The following DIS3L2 variants were observed in gnomAD, a reference collection of about 807,000 sequenced individuals.
DIS3L2 encodes DIS3 like 3'-5' exoribonuclease 2.
DIS3L2 carries 34 observed loss-of-function variants against 97.5 expected under a neutral mutation model. That is an observed-to-expected ratio of 0.35 (90% CI 0.27 to 0.46). The LOEUF is 0.46. Among genes scored for constraint, DIS3L2 ranks in the 20% least tolerant of loss-of-function variants. DIS3L2 has a pLI of 1.00. For synonymous variants in DIS3L2, 435 were observed against 445.2 expected, an observed-to-expected ratio of 0.98 and a Z score of 0.29; for missense variants, 1,038 against 1,146.0, an observed-to-expected ratio of 0.91 and a Z score of 1.36.
intron 9 of DIS3L2, among the ~76,000 whole-genome samples, chr2:232,188,350 G>A (rs1352336368): frequency 6.6e-6 from 1 of 152,162 alleles, no homozygotes; most frequent in East Asian, 1.9e-4. Context: ...TGAATTGTAT[G>A]CTATAAAATG....
At chr2:232,218,627 G>A (rs928390163) in intron 10 of DIS3L2, among the ~76,000 whole-genome samples, 4 of 152,148 alleles carry the variant, frequency 2.6e-5, no homozygotes, top group African/African-American at 7.2e-5. Flanking sequence ...TTTCTTCTCC[G>A]CCTCTTGCTT....
rs574653745 is a variant in DIS3L2, at chr2:232,085,990, T to A, written c.367-1497T>A. ...ACTATGCCTGGTTGATTTTTAAATT[T>A]TTTTTAGAGGCAAGGTCTCAATATG... is the stretch of plus-strand genomic sequence containing the variant. On this transcript the variant is annotated intron_variant, in intron 5 of 20. Coordinates refer to ENST00000325385, the MANE Select transcript of DIS3L2 (RefSeq NM_152383.5). 5.3e-5 allele frequency among the ~76,000 whole-genome samples: 8 copies of A among 152,108 alleles called. No individual in the cohort carries two copies. In the South Asian group the frequency reaches 1.7e-3, roughly 32 times the overall value.
intron 12 of DIS3L2, among the ~76,000 whole-genome samples, chr2:232,258,109 C>T (rs1693614837): frequency 6.6e-6 from 1 of 152,162 alleles, no homozygotes; most frequent in Admixed American, 6.5e-5. Flanking sequence ...AGTAGGTAGG[C>T]CTTGAATTAC....
At chr2:232,245,473 G>C (rs1167111614) in intron 11 of DIS3L2, among the ~76,000 whole-genome samples, 1 of 152,220 alleles carries the variant, frequency 6.6e-6, no homozygotes, top group African/African-American at 2.4e-5. Context: ...GAGAGGCTGT[G>C]ATGTGCCAAA....
At chr2:232,296,821 C>A (rs927470287) in intron 13 of DIS3L2, among the ~76,000 whole-genome samples, 1 of 152,118 alleles carries the variant, frequency 6.6e-6, no homozygotes, top group African/African-American at 2.4e-5. Flanking sequence ...AAATGTGAGT[C>A]CTCCATTTAG....
chr2:232,013,998 T>C (rs1237963705), intron 1 of DIS3L2, among the ~76,000 whole-genome samples: 1 of 152,260 alleles, frequency 6.6e-6, no homozygotes, highest in East Asian at 1.9e-4. Context: ...GAATGACATC[T>C]TGATTCATTT....
chr2:232,203,544 G>GT (rs1176652684), intron 9 of DIS3L2, among the ~76,000 whole-genome samples: 1 of 152,172 alleles, frequency 6.6e-6, no homozygotes, highest in Non-Finnish European at 1.5e-5. Flanking sequence ...CCCTTTGGTC[G>GT]TTTTTTCATT....
rs138392667 is a variant in DIS3L2, at chr2:232,082,320, C to T, written c.367-5167C>T. On this transcript the variant is annotated intron_variant, in intron 5 of 20. Transcript: ENST00000325385. ...TATTAAGTCCTATTACCTCAGGAGT[C>T]TCCAGCCCCTGGGCCATGGACTGGT... Among the ~76,000 whole-genome samples the T allele has an allele frequency of 3.1e-3, 477 of 152,318 alleles. 2 individuals carry two copies. Among genetic ancestry groups the T allele is most frequent in the Middle Eastern group, 0.024 (7 of 294 alleles).
intron 8 of DIS3L2, among the ~76,000 whole-genome samples, chr2:232,146,678 AT>A (rs1690225147): frequency 6.6e-6 from 1 of 152,192 alleles, no homozygotes; most frequent in Non-Finnish European, 1.5e-5. Context: ...CATACACTGA[AT>A]TTATTAGAAT....
intron 10 of DIS3L2, among the ~76,000 whole-genome samples, chr2:232,235,333 T>A (rs773435668): frequency 2.0e-4 from 31 of 152,252 alleles, no homozygotes; most frequent in Non-Finnish European, 4.0e-4. Context: ...ACTTTTGGAT[T>A]TATAGTTTCT....
chr2:232,318,999 G>A (rs1695354074), intron 14 of DIS3L2, among the ~76,000 whole-genome samples: 1 of 152,198 alleles, frequency 6.6e-6, no homozygotes, highest in South Asian at 2.1e-4. Flanking sequence ...AGTGGCCATG[G>A]CCACTCCTTT....
At chr2:232,341,959 C>A (rs1484920836), downstream of DIS3L2, among the ~76,000 whole-genome samples, 1 of 152,198 alleles carries the variant, frequency 6.6e-6, no homozygotes, top group African/African-American at 2.4e-5. Context: ...CCGCTGAGGC[C>A]TCAGTACACA....
At position 232,300,029 on chromosome 2, in the gene DIS3L2, T is replaced by A. The variant is rs750596572; in HGVS notation, c.1660-11T>A. On this transcript the variant is annotated splice_polypyrimidine_tract_variant and intron_variant, in intron 13 of 20. Coordinates refer to ENST00000325385, the MANE Select transcript of DIS3L2 (RefSeq NM_152383.5). Reference sequence around the variant, plus strand: ...GCCTAAAACTTCTTTTTCTCTTCTCTCTCTCTTCAGCTAAAGCTTGCTTTC... The same window carrying A: ...GCCTAAAACTTCTTTTTCTCTTCTCACTCTCTTCAGCTAAAGCTTGCTTTC... 11 of 1,612,622 alleles carry A rather than the reference T, an allele frequency of 6.8e-6. No homozygotes were observed. The highest frequency in any genetic ancestry group is 8.5e-6 in the Non-Finnish European group (10 of 1,178,824).
At chr2:232,069,710 A>G (rs1218637454) in intron 5 of DIS3L2, among the ~76,000 whole-genome samples, 1 of 152,126 alleles carries the variant, frequency 6.6e-6, no homozygotes, top group Non-Finnish European at 1.5e-5. Flanking sequence ...AAGAGGATGG[A>G]ATGTAATTCT....
At chr2:232,288,050 T>C (rs1694493882) in intron 13 of DIS3L2, among the ~76,000 whole-genome samples, 1 of 152,196 alleles carries the variant, frequency 6.6e-6, no homozygotes, top group African/African-American at 2.4e-5. Context: ...GAGGTGCTGC[T>C]AACCCCATTG....
At chr2:232,137,427 A>G (rs937388024) in intron 8 of DIS3L2, among the ~76,000 whole-genome samples, 10 of 152,242 alleles carry the variant, frequency 6.6e-5, no homozygotes, top group African/African-American at 2.4e-4. Flanking sequence ...AGTGTTTATT[A>G]TAGATGATGT....
chr2:232,161,920 G>A (rs1051201964), intron 8 of DIS3L2, among the ~76,000 whole-genome samples: 2 of 151,784 alleles, frequency 1.3e-5, no homozygotes, highest in South Asian at 2.1e-4. Context: ...TTATAGGCAC[G>A]CATCACCACG....
chr2:232,184,863 C>A (rs1170119268), intron 9 of DIS3L2, among the ~76,000 whole-genome samples: 1 of 152,190 alleles, frequency 6.6e-6, no homozygotes, highest in Non-Finnish European at 1.5e-5. Flanking sequence ...CATCTTTCCT[C>A]AGTCTTGCTC....
intron 9 of DIS3L2, among the ~76,000 whole-genome samples, chr2:232,197,331 C>T (rs1037719828): frequency 3.9e-5 from 6 of 152,156 alleles, no homozygotes; most frequent in Non-Finnish European, 5.9e-5. Flanking sequence ...TTCTGGAAAT[C>T]AAGAAGCAAA....
Sources: gnomAD v4.1 joint callset for allele counts (sites outside exome capture counted in the v4.1 genomes callset) on GRCh38, gnomAD v4.1.1 for gene constraint, MANE v1.5 for transcripts, NCBI Gene and HGNC (gene_info 2026-07-23, HGNC 2026-07-21) for gene names.